Variants in IFT57 observed in about 807,000 individuals in gnomAD.
IFT57 encodes intraflagellar transport protein 57 homolog.
In IFT57, 59 loss-of-function variants were observed where a neutral mutation model predicts 56.8. That is an observed-to-expected ratio of 1.04 (90% confidence interval 0.84 to 1.29). The LOEUF (loss-of-function observed/expected upper bound fraction) is 1.29. Ranked by LOEUF, IFT57 falls within the 50% of genes most tolerant of loss-of-function variation. The pLI is 0.00. For synonymous variants in IFT57, 209 were observed against 186.1 expected (o/e 1.12, Z -1.00); for missense variants, 470 against 522.1 (o/e 0.90, Z 0.97).
rs746508937 is a variant in IFT57, at chr3:108,222,228, C to T, written c.95G>A (p.Arg32Gln). The T allele has an allele frequency of 1.2e-6, 2 of 1,614,140 alleles. No homozygotes were observed. The highest frequency in any genetic ancestry group is 2.2e-5 in the East Asian group (1 of 44,882). ...CATGTGGTAGGCCGCGCCGGGCCCC[C>T]GCTCCAAGACCACTTCCCCGGTCCC... Reference protein sequence around the residue: ...GEGTGEVVLERGPGAAYHMFV... With the variant: ...GEGTGEVVLEQGPGAAYHMFV... Residue 32 changes from arginine (R) to glutamine (Q), a missense_variant, in exon 1 of 11, where the codon CGG (arginine) becomes CAG (glutamine). Transcript: ENST00000264538.
At chr3:108,214,415 T>G (rs558029827) in intron 3 of IFT57, among the ~76,000 whole-genome samples, 1 of 152,080 alleles carries the variant, frequency 6.6e-6, no homozygotes, top group Admixed American at 6.5e-5. Flanking sequence ...TGGACAATAT[T>G]GCAAAGATCA....
intron 3 of IFT57, 199 bp downstream of exon 3, chr3:108,218,336 C>A: frequency 2.7e-6 from 1 of 370,298 alleles, no homozygotes; most frequent in Non-Finnish European, 4.9e-6. Context: ...TAATATGTAA[C>A]ACATTACTTC....
At chr3:108,205,011 T>C (rs2080301622) in intron 5 of IFT57, among the ~76,000 whole-genome samples, 1 of 152,192 alleles carries the variant, frequency 6.6e-6, no homozygotes, top group South Asian at 2.1e-4. Flanking sequence ...AATTTTAACA[T>C]ATTATTCTGA....
chr3:108,219,333 T>C, intron 2 of IFT57, 77 bp downstream of exon 2: 2 of 1,225,276 alleles, frequency 1.6e-6, no homozygotes, highest in Non-Finnish European at 2.4e-6. Context: ...TCTAAATGGC[T>C]AGCATTTGTT....
intron 3 of IFT57, among the ~76,000 whole-genome samples, chr3:108,215,062 TAAG>T (rs1296453097): frequency 2.0e-5 from 3 of 152,314 alleles, no homozygotes; most frequent in East Asian, 1.9e-4. Flanking sequence ...ACATAGGTAA[TAAG>T]AAGGAGTCCA....
intron 6 of IFT57, among the ~76,000 whole-genome samples, chr3:108,170,793 C>G (rs1416362142): frequency 1.3e-5 from 2 of 151,696 alleles, no homozygotes; most frequent in Non-Finnish European, 2.9e-5. Context: ...GATACTGGTA[C>G]CAAAACAGAT....
At chr3:108,190,479 G>A (rs1219856638) in intron 6 of IFT57, among the ~76,000 whole-genome samples, 5 of 152,136 alleles carry the variant, frequency 3.3e-5, no homozygotes, top group Admixed American at 1.3e-4. Flanking sequence ...TAATTGTCTG[G>A]CATTTCTCCT....
chr3:108,177,930 G>C (rs1482250002), intron 6 of IFT57, among the ~76,000 whole-genome samples: 1 of 151,512 alleles, frequency 6.6e-6, no homozygotes, highest in Non-Finnish European at 1.5e-5. Flanking sequence ...AATCAGAAAA[G>C]TCAAAATAAC....
At chr3:108,167,061 T>A (rs906697120) in intron 7 of IFT57, 76 bp from the exon 8 acceptor site, 56 of 1,295,332 alleles carry the variant, frequency 4.3e-5, no homozygotes, top group Non-Finnish European at 5.7e-5. Flanking sequence ...ATGGGTTACA[T>A]CTCAATCCAT....
At chr3:108,189,736 C>A (rs144826754) in intron 6 of IFT57, among the ~76,000 whole-genome samples, 5 of 145,538 alleles carry the variant, frequency 3.4e-5, no homozygotes, top group African/African-American at 1.3e-4. Context: ...GTTAGGGGCA[C>A]TGATCACTTT....
intron 6 of IFT57, among the ~76,000 whole-genome samples, chr3:108,173,538 T>C (rs939956816): frequency 1.3e-5 from 2 of 151,738 alleles, no homozygotes; most frequent in Non-Finnish European, 2.9e-5. Flanking sequence ...ACCTTCAATG[T>C]GCTTGAAAGG....
intron 6 of IFT57, among the ~76,000 whole-genome samples, chr3:108,185,618 G>A (rs2080177387): frequency 1.4e-5 from 2 of 145,508 alleles, no homozygotes; most frequent in South Asian, 2.2e-4. Flanking sequence ...GAGTGCAATG[G>A]CGCAATCTCA....
At chr3:108,201,155 G>C (rs1446619827) in intron 5 of IFT57, among the ~76,000 whole-genome samples, 2 of 152,130 alleles carry the variant, frequency 1.3e-5, no homozygotes, top group African/African-American at 4.8e-5. Flanking sequence ...CACAGAGTCA[G>C]GAATTCATCT....
intron 5 of IFT57, 146 bp from the exon 6 acceptor site, chr3:108,191,789 T>C (rs529848855): frequency 8.0e-6 from 4 of 503,004 alleles, no homozygotes; most frequent in East Asian, 6.8e-5. Flanking sequence ...TCTGTCTTCC[T>C]ACAATGTTGA....
chr3:108,220,535 T>C (rs1427264386), intron 1 of IFT57, among the ~76,000 whole-genome samples: 1 of 152,180 alleles, frequency 6.6e-6, no homozygotes, highest in Non-Finnish European at 1.5e-5. Flanking sequence ...ATGAAGTCCT[T>C]CCAGGTATAT....
intron 1 of IFT57, among the ~76,000 whole-genome samples, chr3:108,220,811 T>C (rs937482294): frequency 4.6e-5 from 7 of 152,174 alleles, no homozygotes; most frequent in African/African-American, 1.7e-4. Flanking sequence ...GCTGATGCTG[T>C]TGGTCTGGTG....
rs192074476 is a variant in IFT57, at chr3:108,209,320, G to A, written c.586-2624C>T. The stretch of plus-strand genomic sequence containing the variant: ...AGGGAGAAGAGTAAATATCACTTAT[G>A]GACTTTATCTCCTCTTGTGGAGAAG... On this transcript the variant is annotated intron_variant, in intron 4 of 10. Coordinates refer to ENST00000264538, the MANE Select transcript of IFT57 (RefSeq NM_018010.4). Among the ~76,000 whole-genome samples, 31 of 152,210 alleles carry A rather than the reference G, an allele frequency of 2.0e-4. No homozygotes were observed. The East Asian group carries it at 3.9e-3, about 19-fold the overall frequency.
At chr3:108,207,213 A>G (rs1026357591) in intron 4 of IFT57, among the ~76,000 whole-genome samples, 1 of 152,222 alleles carries the variant, frequency 6.6e-6, no homozygotes, top group East Asian at 1.9e-4. Context: ...GGTTACCAGT[A>G]CTGGTTGGTC....
In IFT57 at chr3:108,162,449, T is replaced by A. The variant is rs369854616; in HGVS notation, c.*28A>T. The stretch of plus-strand genomic sequence containing the variant: ...TATAGTTTGATATAAAAAACCCAAC[T>A]AATCAGAAACATGAAAACCAGTATG... On this transcript the variant is annotated 3_prime_UTR_variant, in exon 11 of 11. Transcript: ENST00000264538. The A allele has an allele frequency of 1.4e-5, 21 of 1,546,868 alleles. 2 individuals carry two copies. In the African/African-American group the frequency reaches 2.8e-4, roughly 20 times the overall value.
Sources: allele counts gnomAD v4.1 joint callset (sites outside exome capture counted in the v4.1 genomes callset), GRCh38; gene constraint gnomAD v4.1.1; transcripts MANE v1.5; gene names NCBI Gene and HGNC (gene_info 2026-07-23, HGNC 2026-07-21).